The following MAPKAP1 variants were observed in gnomAD, a reference collection of about 807,000 sequenced individuals.
MAPKAP1 encodes MAPK associated protein 1.
A neutral mutation model predicts 65.7 loss-of-function variants in MAPKAP1; 20 were observed. That is an observed-to-expected ratio of 0.30 (90% CI 0.21 to 0.44). MAPKAP1 has a LOEUF of 0.44. MAPKAP1 is among the 20% of genes least tolerant of loss of function. The pLI is 1.00. For synonymous variants in MAPKAP1, 222 were observed against 244.3 expected (o/e 0.91, Z 0.85); for missense variants, 423 against 648.0 (o/e 0.65, Z 3.77).
intron 10 of MAPKAP1, 82 bp downstream of exon 10, chr9:125,467,890 A>G (rs1853738503): frequency 6.9e-7 from 1 of 1,448,282 alleles, no homozygotes; most frequent in East Asian, 2.3e-5. Flanking sequence ...CACAGTGGCA[A>G]TATATTCTCC....
At chr9:125,561,450 T>C (rs894998350) in intron 5 of MAPKAP1, among the ~76,000 whole-genome samples, 3 of 152,250 alleles carry the variant, frequency 2.0e-5, no homozygotes, top group Non-Finnish European at 2.9e-5. Context: ...CTAGCTATGT[T>C]TGTCACTTTA....
At chr9:125,493,197 C>G (rs980190936) in intron 8 of MAPKAP1, among the ~76,000 whole-genome samples, 12 of 152,112 alleles carry the variant, frequency 7.9e-5, no homozygotes, top group African/African-American at 1.4e-4. Flanking sequence ...GTACATAAAC[C>G]CTTCTCTGCT....
intron 4 of MAPKAP1, among the ~76,000 whole-genome samples, chr9:125,601,329 T>C (rs1449265527): frequency 6.6e-6 from 1 of 151,934 alleles, no homozygotes; most frequent in Non-Finnish European, 1.5e-5. Flanking sequence ...TATGTCATAT[T>C]CATTTCTTGC....
intron 8 of MAPKAP1, among the ~76,000 whole-genome samples, chr9:125,496,840 C>T (rs77776687): frequency 0.089 from 13,505 of 152,110 alleles, 1,138 homozygotes; most frequent in African/African-American, 0.23. Flanking sequence ...TGTACTTGGT[C>T]CAGTGAGAAG....
At chr9:125,618,001 T>A (rs987310743) in intron 4 of MAPKAP1, among the ~76,000 whole-genome samples, 6 of 152,168 alleles carry the variant, frequency 3.9e-5, no homozygotes, top group Non-Finnish European at 2.9e-5. Flanking sequence ...TATTTACAAA[T>A]GAACCCATTT....
intron 4 of MAPKAP1, among the ~76,000 whole-genome samples, chr9:125,621,241 C>T (rs1832889195): frequency 6.6e-6 from 1 of 151,824 alleles, no homozygotes; most frequent in African/African-American, 2.4e-5. Context: ...CACTGCACTC[C>T]AGCCTGGGAG....
At chr9:125,475,311 C>A (rs1854063227) in intron 9 of MAPKAP1, among the ~76,000 whole-genome samples, 1 of 152,216 alleles carries the variant, frequency 6.6e-6, no homozygotes. Flanking sequence ...CTGTCTCCAG[C>A]AATTTAAGGC....
chr9:125,662,011 AAAC>A (rs1348067033), intron 3 of MAPKAP1, among the ~76,000 whole-genome samples: 3 of 152,188 alleles, frequency 2.0e-5, no homozygotes, highest in Non-Finnish European at 2.9e-5. Context: ...AACATGAACA[AAAC>A]AATAGAGAAA....
chr9:125,524,854 T>C (rs139358908), intron 7 of MAPKAP1, among the ~76,000 whole-genome samples: 118 of 152,354 alleles, frequency 7.7e-4, no homozygotes, highest in African/African-American at 2.7e-3. Context: ...TGACTAAAGT[T>C]TCTCCAGCTT....
At chr9:125,516,390 T>C (rs183186289) in intron 7 of MAPKAP1, among the ~76,000 whole-genome samples, 1 of 152,320 alleles carries the variant, frequency 6.6e-6, no homozygotes, top group East Asian at 1.9e-4. Flanking sequence ...TTAGAGCATG[T>C]TAAGGACACC....
intron 7 of MAPKAP1, among the ~76,000 whole-genome samples, chr9:125,537,280 C>G (rs1047010143): frequency 6.6e-6 from 1 of 152,196 alleles, no homozygotes; most frequent in Non-Finnish European, 1.5e-5. Flanking sequence ...TTCTAAGATG[C>G]ACCTCTTTTT....
At chr9:125,489,628 C>T (rs1854626646) in intron 8 of MAPKAP1, among the ~76,000 whole-genome samples, 1 of 151,898 alleles carries the variant, frequency 6.6e-6, no homozygotes, top group Non-Finnish European at 1.5e-5. Flanking sequence ...GCTTAAGTCT[C>T]GGGAATACAA....
At chr9:125,443,864 T>C (rs1341273361) in intron 11 of MAPKAP1, among the ~76,000 whole-genome samples, 1 of 152,066 alleles carries the variant, frequency 6.6e-6, no homozygotes, top group Non-Finnish European at 1.5e-5. Flanking sequence ...CCACCCCAAG[T>C]CAGTTTACTG....
chr9:125,503,360 A>C (rs931139059), intron 8 of MAPKAP1, among the ~76,000 whole-genome samples: 1 of 152,242 alleles, frequency 6.6e-6, no homozygotes. Flanking sequence ...TTTAGGCTGC[A>C]CTGCCAGACA....
chr9:125,648,872 C>T (rs562661835), intron 4 of MAPKAP1, among the ~76,000 whole-genome samples: 7 of 151,704 alleles, frequency 4.6e-5, no homozygotes, highest in Admixed American at 2.0e-4. Context: ...ACCCGGGAGG[C>T]GGAGGTTGCA....
chr9:125,482,212 T>C (rs1266640255), intron 9 of MAPKAP1, among the ~76,000 whole-genome samples: 1 of 151,052 alleles, frequency 6.6e-6, no homozygotes, highest in Non-Finnish European at 1.5e-5. Flanking sequence ...ATATATACCA[T>C]GACTTTTCCA....
chr9:125,687,603 C>G (rs1267743930), intron 1 of MAPKAP1, among the ~76,000 whole-genome samples: 1 of 145,120 alleles, frequency 6.9e-6, no homozygotes, highest in African/African-American at 2.5e-5. Flanking sequence ...AGAGCAAGAC[C>G]CCACCTATAC....
intron 7 of MAPKAP1, among the ~76,000 whole-genome samples, chr9:125,525,535 C>T (rs1172701725): frequency 6.6e-6 from 1 of 151,858 alleles, no homozygotes; most frequent in Non-Finnish European, 1.5e-5. Flanking sequence ...TAGCCGGGTG[C>T]GGTGGCGCAT....
intron 4 of MAPKAP1, among the ~76,000 whole-genome samples, chr9:125,656,992 A>G (rs1052568129): frequency 6.6e-6 from 1 of 152,226 alleles, no homozygotes; most frequent in Admixed American, 6.5e-5. Context: ...TAGCCTCCAT[A>G]GCAAGTGTCA....
Sources: gnomAD v4.1 joint callset for allele counts (sites outside exome capture counted in the v4.1 genomes callset) on GRCh38, gnomAD v4.1.1 for gene constraint, MANE v1.5 for transcripts, NCBI Gene and HGNC (gene_info 2026-07-23, HGNC 2026-07-21) for gene names.